The following NBEA variants were observed in gnomAD, a reference collection of about 807,000 sequenced individuals.
The protein encoded by NBEA is neurobeachin.
A neutral mutation model predicts 343.4 loss-of-function variants in NBEA; 44 were observed. That is an observed-to-expected ratio of 0.13 (90% CI 0.10 to 0.16). NBEA has a LOEUF of 0.16. Among genes scored for constraint, NBEA ranks in the 10% least tolerant of loss-of-function variants. The pLI is 1.00. For missense variants in NBEA, 2,555 were observed against 3,631.3 expected, an observed-to-expected ratio of 0.70 and a Z score of 7.62; for synonymous variants, 1,175 against 1,238.7, an observed-to-expected ratio of 0.95 and a Z score of 1.08.
intron 48 of NBEA, among the ~76,000 whole-genome samples, chr13:35,626,585 A>T (rs1158210277): frequency 6.6e-6 from 1 of 152,210 alleles, no homozygotes; most frequent in African/African-American, 2.4e-5. Context: ...AGCAGTAGTT[A>T]CTCAATAATG....
Position 35,184,078 on chromosome 13 carries a change from C to A in NBEA, c.4927+7C>A. On this transcript the variant is annotated splice_region_variant and intron_variant, in intron 30 of 58. Transcript: ENST00000379939. ...GGCCACTCATTTTACAAAGGTAATA[C>A]TGACCTCATCTCCTGACCTGTTTGG... 1.9e-6 allele frequency: 3 copies of A among 1,582,912 alleles called. No homozygotes were observed. Among genetic ancestry groups the A allele is most frequent in the Non-Finnish European group, 2.6e-6 (3 of 1,153,440 alleles).
chr13:35,085,917 C>A (rs1158024361), intron 10 of NBEA, among the ~76,000 whole-genome samples: 1 of 152,126 alleles, frequency 6.6e-6, no homozygotes, highest in Non-Finnish European at 1.5e-5. Flanking sequence ...GCAGAAATCA[C>A]AAGCATTCTT....
At chr13:35,535,396 C>G (rs1367234652) in intron 41 of NBEA, among the ~76,000 whole-genome samples, 1 of 152,152 alleles carries the variant, frequency 6.6e-6, no homozygotes, top group East Asian at 1.9e-4. Context: ...TAAATAAGAA[C>G]AAATTCCAGG....
At chr13:35,469,829 T>G (rs2152957244) in intron 40 of NBEA, among the ~76,000 whole-genome samples, 1 of 152,334 alleles carries the variant, frequency 6.6e-6, no homozygotes, top group South Asian at 2.1e-4. Flanking sequence ...GTAAACTATT[T>G]TTATTTGGAA....
intron 10 of NBEA, among the ~76,000 whole-genome samples, chr13:35,089,674 T>C (rs1287213728): frequency 2.0e-4 from 26 of 129,498 alleles, no homozygotes; most frequent in Non-Finnish European, 3.4e-4. Flanking sequence ...TGTCCAACAA[T>C]GATAGACTGG....
intron 41 of NBEA, among the ~76,000 whole-genome samples, chr13:35,484,766 T>C (rs907284354): frequency 6.6e-5 from 10 of 152,080 alleles, no homozygotes; most frequent in Non-Finnish European, 1.2e-4. Flanking sequence ...CTGCATGTAT[T>C]TGCATAGATT....
At chr13:35,658,547 T>C (rs527855632) in intron 55 of NBEA, among the ~76,000 whole-genome samples, 1 of 152,150 alleles carries the variant, frequency 6.6e-6, no homozygotes, top group East Asian at 1.9e-4. Context: ...CTTTCTAGAG[T>C]TTACAAGAAT....
At chr13:35,180,647 A>G (rs1280240953) in intron 28 of NBEA, among the ~76,000 whole-genome samples, 1 of 151,702 alleles carries the variant, frequency 6.6e-6, no homozygotes, top group Non-Finnish European at 1.5e-5. Flanking sequence ...TTTCCTGTGC[A>G]GAATAATGGA....
chr13:35,555,077 T>C lies in NBEA; in HGVS notation c.6897T>C (p.Tyr2299=). Residue 2299 remains tyrosine (Y), a synonymous_variant, in exon 44 of 59, where the codon TAT becomes TAC. Transcript: ENST00000379939. The stretch of plus-strand genomic sequence containing the variant: ...GAAGGGAAATTTCAAACTTCGAATA[T>C]TTGATGTTCCTTAATACTATTGCAG... ...WQRREISNFE[Y]LMFLNTIAGR... The C allele has an allele frequency of 6.2e-7, 1 of 1,604,710 alleles. No homozygotes were observed. The highest frequency in any genetic ancestry group is 8.5e-7 in the Non-Finnish European group (1 of 1,172,172).
At chr13:35,045,837 C>A (rs1295918232) in intron 4 of NBEA, among the ~76,000 whole-genome samples, 1 of 152,088 alleles carries the variant, frequency 6.6e-6, no homozygotes, top group Non-Finnish European at 1.5e-5. Flanking sequence ...AAGCAATTCT[C>A]CTGCCTCAGC....
At chr13:35,249,894 C>A (rs139720664) in intron 34 of NBEA, among the ~76,000 whole-genome samples, 1 of 152,236 alleles carries the variant, frequency 6.6e-6, no homozygotes, top group African/African-American at 2.4e-5. Flanking sequence ...ATGGTATTCA[C>A]TTAATAAAAA....
Position 35,442,119 on chromosome 13 carries a change from T to A in NBEA, c.6304+9726T>A, listed in dbSNP as rs563306304. The stretch of plus-strand genomic sequence containing the variant: ...AATACCAACAAAAGTGCCAAAAAAA[T>A]TTGAAGAAGTCATCCACATAAAGAT... On this transcript the variant is annotated intron_variant, in intron 39 of 58. Transcript: ENST00000379939. Among the ~76,000 whole-genome samples, 4 of 152,248 alleles carry A rather than the reference T, an allele frequency of 2.6e-5. No homozygotes were observed. In the East Asian group the frequency reaches 5.8e-4, roughly 22 times the overall value.
At chr13:35,086,706 C>T (rs920685141) in intron 10 of NBEA, among the ~76,000 whole-genome samples, 23 of 151,828 alleles carry the variant, frequency 1.5e-4, no homozygotes, top group Non-Finnish European at 2.8e-4. Flanking sequence ...AATGGTAGTT[C>T]TATTTTAACT....
At chr13:35,153,180 C>A (rs929722253) in intron 18 of NBEA, among the ~76,000 whole-genome samples, 2 of 151,662 alleles carry the variant, frequency 1.3e-5, no homozygotes, top group Admixed American at 6.6e-5. Flanking sequence ...CTACAGGTGC[C>A]TGCCACCACA....
intron 1 of NBEA, among the ~76,000 whole-genome samples, chr13:34,992,240 A>ATG (rs2060784145): frequency 1.4e-5 from 1 of 74,000 alleles, no homozygotes; most frequent in Non-Finnish European, 3.1e-5. Context: ...GTGTGTGTGT[A>ATG]TATATATATA....
chr13:35,379,605 A>G (rs1010685131), intron 38 of NBEA, among the ~76,000 whole-genome samples: 1 of 151,764 alleles, frequency 6.6e-6, no homozygotes, highest in Non-Finnish European at 1.5e-5. Flanking sequence ...CATCACAAAG[A>G]TGTTCTCTTA....
intron 31 of NBEA, among the ~76,000 whole-genome samples, chr13:35,202,142 G>A (rs567631525): frequency 1.3e-5 from 2 of 151,910 alleles, no homozygotes; most frequent in South Asian, 4.2e-4. Flanking sequence ...TTAAATTTTT[G>A]TATGCACTTT....
intron 17 of NBEA, among the ~76,000 whole-genome samples, chr13:35,126,600 C>T (rs1318201109): frequency 2.0e-5 from 3 of 151,920 alleles, no homozygotes; most frequent in Non-Finnish European, 4.4e-5. Context: ...AAATGAGCGA[C>T]ATGGGAGAAA....
At chr13:35,503,254 A>G (rs2076955252) in intron 41 of NBEA, among the ~76,000 whole-genome samples, 1 of 151,770 alleles carries the variant, frequency 6.6e-6, no homozygotes, top group South Asian at 2.1e-4. Flanking sequence ...ATATAATAGT[A>G]TAAAAAATAA....
Sources: gnomAD v4.1 joint callset for allele counts (sites outside exome capture counted in the v4.1 genomes callset) on GRCh38, gnomAD v4.1.1 for gene constraint, MANE v1.5 for transcripts, NCBI Gene and HGNC (gene_info 2026-07-23, HGNC 2026-07-21) for gene names.